AQP2: variants seen among roughly 807,000 people sequenced by gnomAD.
AQP2 encodes the protein aquaporin-2.
A neutral mutation model predicts 21.6 loss-of-function variants in AQP2; 20 were observed. That is an observed-to-expected ratio of 0.92 (90% CI 0.65 to 1.34). AQP2 has a LOEUF of 1.34. Ranked by LOEUF, AQP2 falls within the 40% of genes most tolerant of loss-of-function variation. AQP2 has a pLI of 0.00. For synonymous variants in AQP2, 168 were observed against 166.9 expected (o/e 1.01, Z -0.05); for missense variants, 325 against 363.4 (o/e 0.89, Z 0.86).
chr12:49,953,891 A>G (rs1431882773), intron 1 of AQP2, among the ~76,000 whole-genome samples: 1 of 152,060 alleles, frequency 6.6e-6, no homozygotes, highest in Non-Finnish European at 1.5e-5. Flanking sequence ...TCCCAGCCTC[A>G]GGCCCCAATC....
rs1020880698 is a variant in AQP2, at chr12:49,957,739, T to C, written c.*2131T>C. On this transcript the variant is annotated 3_prime_UTR_variant, in exon 4 of 4. Coordinates refer to ENST00000199280, the MANE Select transcript of AQP2 (RefSeq NM_000486.6). The stretch of plus-strand genomic sequence containing the variant: ...AGAAGGGTGGAGTCAGAAACCAAAG[T>C]GACCTCCAGAGCTGTCCTCCTGGCA... The C allele has an allele frequency of 3.9e-5, 6 of 152,198 alleles. No homozygotes were observed. Among genetic ancestry groups the C allele is most frequent in the African/African-American group, 1.4e-4 (6 of 41,426 alleles). The allele number at this position is 152,198 out of a possible 1,614,324, so 9.4% of individuals were successfully genotyped here. A position where few individuals can be genotyped will look rare whatever the true frequency, so the allele number is the denominator to read the frequency against.
rs1195772340 is a variant in AQP2 at position 49,955,604 on chromosome 12, C to T, written c.812C>T (p.Ala271Val). 6.4e-7 allele frequency: 1 copy of T among 1,561,336 alleles called. No individual in the cohort carries two copies. Among genetic ancestry groups the T allele is most frequent in the South Asian group, 1.2e-5 (1 of 86,352 alleles). ...SPQSLPRGTKA is the reference protein window; with the variant it reads ...SPQSLPRGTKV ...CAGAGCCTGCCACGGGGTACCAAGGCCTGAGGGCCGCCAGCGGCCTCTACG... is the reference window on the plus strand; with the variant it reads ...CAGAGCCTGCCACGGGGTACCAAGGTCTGAGGGCCGCCAGCGGCCTCTACG... The change falls in exon 4 of 4, where the codon GCC becomes GTC. Residue 271 changes from alanine (A) to valine (V), a missense_variant. Ala to Val is a moderately conservative substitution (Grantham distance 64). Coordinates refer to ENST00000199280, the MANE Select transcript of AQP2 (RefSeq NM_000486.6).
rs1267024673 is a variant in AQP2 at position 49,955,540 on chromosome 12, G to A, written c.748G>A (p.Glu250Lys). The change falls in exon 4 of 4, where the codon GAG becomes AAG. Residue 250 changes from glutamate to lysine, a missense_variant. By Grantham distance (56) the Glu-to-Lys change is moderately conservative. Coordinates refer to ENST00000199280, the MANE Select transcript of AQP2 (RefSeq NM_000486.6). The stretch of plus-strand genomic sequence containing the variant: ...GCCGGACACCGATTGGGAGGAGCGC[G>A]AGGTGCGACGGCGGCAGTCGGTGGA... ...LEPDTDWEER[E>K]VRRRQSVELH... The A allele has an allele frequency of 6.8e-6, 11 of 1,608,956 alleles. No individual in the cohort carries two copies. Among genetic ancestry groups the A allele is most frequent in the East Asian group, 2.2e-5 (1 of 44,818 alleles).
chr12:49,955,484 C>T lies in AQP2; in HGVS notation c.692C>T (p.Ser231Leu), dbSNP rs748006253. 1.9e-6 allele frequency: 3 copies of T among 1,612,840 alleles called. No individual in the cohort carries two copies. The highest frequency in any genetic ancestry group is 2.5e-6 in the Non-Finnish European group (3 of 1,179,836). Reference protein sequence around the residue: ...YVLFPPAKSLSERLAVLKGLE... With the variant: ...YVLFPPAKSLLERLAVLKGLE... The stretch of plus-strand genomic sequence containing the variant: ...CTGTTTCCGCCAGCCAAGAGCCTGT[C>T]GGAGCGCCTGGCAGTGCTGAAGGGC... Residue 231 changes from serine (S) to leucine (L), a missense_variant, in exon 4 of 4, where the codon TCG becomes TTG. Ser to Leu is a moderately radical substitution (Grantham distance 145, BLOSUM62 -2). Coordinates refer to ENST00000199280, the MANE Select transcript of AQP2 (RefSeq NM_000486.6).
In AQP2 at chr12:49,957,226, A is replaced by G. The variant is rs1203851041; in HGVS notation, c.*1618A>G. ...GCCCACAAGATCCAGGCAGAAGGAGATGGGTTTGGGGCTGGCCCCATCCTG... is the reference window on the plus strand; with the variant it reads ...GCCCACAAGATCCAGGCAGAAGGAGGTGGGTTTGGGGCTGGCCCCATCCTG... On this transcript the variant is annotated 3_prime_UTR_variant, in exon 4 of 4. Coordinates refer to ENST00000199280, the MANE Select transcript of AQP2 (RefSeq NM_000486.6). The G allele has an allele frequency of 6.6e-6, 1 of 152,162 alleles. No individual in the cohort carries two copies. The highest frequency in any genetic ancestry group is 1.5e-5 in the Non-Finnish European group (1 of 68,020). The allele number at this position is 152,162 out of a possible 1,614,324, so 9.4% of individuals were successfully genotyped here.
At chr12:49,951,927 C>G (rs149688331) in intron 1 of AQP2, 2 of 152,450 alleles carry the variant, frequency 1.3e-5, no homozygotes, top group African/African-American at 4.8e-5. Flanking sequence ...ACTCTGTACC[C>G]CCATCCTAAG....
In AQP2 at chr12:49,955,475, A is replaced by G; in HGVS notation, c.683A>G (p.Lys228Arg). The G allele has an allele frequency of 6.2e-7, 1 of 1,612,878 alleles. No homozygotes were observed. The highest frequency in any genetic ancestry group is 8.5e-7 in the Non-Finnish European group (1 of 1,179,840). The change falls in exon 4 of 4, where the codon AAG becomes AGG. Residue 228 changes from lysine (K) to arginine (R), a missense_variant. Physicochemically the swap from Lys to Arg is conservative, Grantham distance 26. Coordinates refer to ENST00000199280, the MANE Select transcript of AQP2 (RefSeq NM_000486.6). ...AACTACGTGCTGTTTCCGCCAGCCA[A>G]GAGCCTGTCGGAGCGCCTGGCAGTG... The part of the protein sequence containing the change: ...LYNYVLFPPA[K>R]SLSERLAVLK...
rs920681801 is a variant in AQP2 at position 49,956,962 on chromosome 12, G to C, written c.*1354G>C. Reference sequence around the variant, plus strand: ...CCAGGCAGAGGCAGATCTGAGTCTAGAACCCAGGCTTCTAAATTTCTAGGC... The same window carrying C: ...CCAGGCAGAGGCAGATCTGAGTCTACAACCCAGGCTTCTAAATTTCTAGGC... On this transcript the variant is annotated 3_prime_UTR_variant, in exon 4 of 4. Transcript: ENST00000199280. The C allele has an allele frequency of 1.3e-5, 2 of 152,656 alleles. No individual in the cohort carries two copies. Among genetic ancestry groups the C allele is most frequent in the African/African-American group, 2.4e-5 (1 of 41,466 alleles). The allele number at this position is 152,656 out of a possible 1,614,324, so 9.5% of individuals were successfully genotyped here. A position where few individuals can be genotyped will look rare whatever the true frequency, so the allele number is the denominator to read the frequency against.
At chr12:49,951,257 T>C in intron 1 of AQP2, 67 bp downstream of exon 1, 2 of 1,517,180 alleles carry the variant, frequency 1.3e-6, no homozygotes, top group South Asian at 2.6e-5. Context: ...AAGGATGAGA[T>C]GGGAGGGATG....
chr12:49,951,300 CAG>C, intron 1 of AQP2, 110 bp downstream of exon 1: 1 of 1,410,740 alleles, frequency 7.1e-7, no homozygotes, highest in South Asian at 1.5e-5. Flanking sequence ...GAGATGGAGA[CAG>C]AGGCAGAGAG....
chr12:49,955,533 G>A lies in AQP2; in HGVS notation c.741G>A (p.Glu247=), dbSNP rs748956043. The A allele has an allele frequency of 3.1e-6, 5 of 1,610,900 alleles. No homozygotes were observed. In the Admixed American group the frequency reaches 6.7e-5, roughly 21 times the overall value. The change falls in exon 4 of 4, where the codon GAG becomes GAA. Residue 247 remains glutamate, a synonymous_variant. Transcript: ENST00000199280. ...LKGLEPDTDW[E]EREVRRRQSV... ...GCCTGGAGCCGGACACCGATTGGGA[G>A]GAGCGCGAGGTGCGACGGCGGCAGT...
rs1252582932 is a variant in AQP2, at chr12:49,956,494, G to A, written c.*886G>A. ...GGCATATGAGTGCGCACGCCTTCAC[G>A]TGTGTGTATGCTGTGTGTGCCCGGG... On this transcript the variant is annotated 3_prime_UTR_variant, in exon 4 of 4. Transcript: ENST00000199280. 6.6e-6 allele frequency: 1 copy of A among 152,180 alleles called. No individual in the cohort carries two copies. The highest frequency in any genetic ancestry group is 6.5e-5 in the Admixed American group (1 of 15,284). 9.4% of individuals were successfully genotyped at this position (152,180 alleles called of 1,614,324 possible). A position where few individuals can be genotyped will look rare whatever the true frequency, so the allele number is the denominator to read the frequency against.
intron 1 of AQP2, 179 bp downstream of exon 1, chr12:49,951,369 G>C: frequency 1.2e-6 from 1 of 856,112 alleles, no homozygotes; most frequent in Non-Finnish European, 1.7e-6. Flanking sequence ...AAGGAGCAAT[G>C]ATACCAGAGC....
intron 1 of AQP2, among the ~76,000 whole-genome samples, chr12:49,952,473 C>T (rs959474298): frequency 2.6e-5 from 4 of 152,184 alleles, no homozygotes; most frequent in African/African-American, 9.7e-5. Flanking sequence ...GCTAGGTGGG[C>T]AAGCAGAGGA....
In AQP2 at chr12:49,955,573, T is replaced by C; in HGVS notation, c.781T>C (p.Ser261Pro). Residue 261 changes from serine (S) to proline (P), a missense_variant, in exon 4 of 4, where the codon TCG becomes CCG. Coordinates refer to ENST00000199280, the MANE Select transcript of AQP2 (RefSeq NM_000486.6). Reference protein sequence around the residue: ...VRRRQSVELHSPQSLPRGTKA With the variant: ...VRRRQSVELHPPQSLPRGTKA ...ACGGCGGCAGTCGGTGGAGCTGCAC[T>C]CGCCGCAGAGCCTGCCACGGGGTAC... 1 of 1,589,478 alleles carries C rather than the reference T, an allele frequency of 6.3e-7. No individual in the cohort carries two copies. Among genetic ancestry groups the C allele is most frequent in the Non-Finnish European group, 8.5e-7 (1 of 1,171,830 alleles).
rs138177134 is a variant in AQP2 at position 49,954,724 on chromosome 12, C to T, written c.606+14C>T. 259 of 1,612,216 alleles carry T rather than the reference C, an allele frequency of 1.6e-4. 6 individuals are homozygous for T. In the South Asian group the frequency reaches 2.8e-3, roughly 17 times the overall value. On this transcript the variant is annotated intron_variant, in intron 3 of 3. Coordinates refer to ENST00000199280, the MANE Select transcript of AQP2 (RefSeq NM_000486.6). ...GATGACCACTGGGTAATGGCTGAAA[C>T]CCCCTGCCCTCCCCTTCTCTAGAAA...
rs104894326 is a variant in AQP2 at position 49,951,020 on chromosome 12, G to A, written c.190G>A (p.Gly64Arg). 4 of 1,614,022 alleles carry A rather than the reference G, an allele frequency of 2.5e-6. No individual in the cohort carries two copies. In the Admixed American group the frequency reaches 5.0e-5, roughly 20 times the overall value. Residue 64 changes from glycine (G) to arginine (R), a missense_variant, in exon 1 of 4, where the codon GGG (glycine) becomes AGG (arginine). Physicochemically the swap from Gly to Arg is moderately radical, Grantham distance 125 (BLOSUM62 -2). Coordinates refer to ENST00000199280, the MANE Select transcript of AQP2 (RefSeq NM_000486.6). The stretch of plus-strand genomic sequence containing the variant: ...GGTACAGGCTCTGGGCCACATAAGC[G>A]GGGCCCACATCAACCCTGCCGTGAC... ...TLVQALGHIS[G>R]AHINPAVTVA...
chr12:49,956,009 T>C lies in AQP2; in HGVS notation c.*401T>C. The C allele has an allele frequency of 2.8e-6, 1 of 355,026 alleles. No homozygotes were observed. Among genetic ancestry groups the C allele is most frequent in the Non-Finnish European group, 5.4e-6 (1 of 186,690 alleles). The allele number at this position is 355,026 out of a possible 1,614,324, so 22.0% of individuals were successfully genotyped here. ...GGAATGATGCAACTGGTTTTACTAGTGTGCAAGTGTGTTCATCCCCAAGTT... is the reference window on the plus strand; with the variant it reads ...GGAATGATGCAACTGGTTTTACTAGCGTGCAAGTGTGTTCATCCCCAAGTT... On this transcript the variant is annotated 3_prime_UTR_variant, in exon 4 of 4. Coordinates refer to ENST00000199280, the MANE Select transcript of AQP2 (RefSeq NM_000486.6).
intron 3 of AQP2, 79 bp from the exon 4 acceptor site, chr12:49,955,320 G>A (rs1374890296): frequency 2.1e-6 from 3 of 1,420,860 alleles, no homozygotes; most frequent in Non-Finnish European, 1.9e-6. Flanking sequence ...TGCGGCCGCA[G>A]AGTGTGCCGC....
Sources: gnomAD v4.1 joint callset for allele counts (sites outside exome capture counted in the v4.1 genomes callset) on GRCh38, gnomAD v4.1.1 for gene constraint, MANE v1.5 for transcripts, NCBI Gene and HGNC (gene_info 2026-07-23, HGNC 2026-07-21) for gene names.